Variants in TNKS observed in about 807,000 individuals in gnomAD.
TNKS encodes tankyrase.
In TNKS, 72 loss-of-function variants were observed where a neutral mutation model predicts 135.8. The ratio of observed to expected loss-of-function variants is 0.53; its 90% CI spans 0.44 to 0.64. The LOEUF is 0.64. Ranked by LOEUF, TNKS falls within the 30% of genes least tolerant of loss-of-function variation. TNKS has a pLI of 0.00. For synonymous variants in TNKS, 849 were observed against 649.3 expected (o/e 1.31, Z -4.68); for missense variants, 1,769 against 1,674.0 (o/e 1.06, Z -0.99).
intron 2 of TNKS, among the ~76,000 whole-genome samples, chr8:9,599,786 C>CT (rs1322447310): frequency 3.4e-5 from 5 of 146,186 alleles, no homozygotes; most frequent in South Asian, 2.2e-4. Context: ...TGTGATGTGC[C>CT]TTTTTAAAAA....
chr8:9,685,318 C>T (rs1802943476), intron 5 of TNKS, among the ~76,000 whole-genome samples: 1 of 152,098 alleles, frequency 6.6e-6, no homozygotes, highest in Non-Finnish European at 1.5e-5. Context: ...GTGTCTATGG[C>T]TCTAGAGTTT....
At chr8:9,557,388 C>T (rs1040856880) in intron 1 of TNKS, 2 of 145,536 alleles carry the variant, frequency 1.4e-5, no homozygotes, top group Admixed American at 6.8e-5. Flanking sequence ...GCTCTGGACC[C>T]CACACTTGTC....
chr8:9,558,868 A>G (rs1305685522), intron 1 of TNKS: 1 of 152,198 alleles, frequency 6.6e-6, no homozygotes, highest in African/African-American at 2.4e-5. Flanking sequence ...CCGTGATTGA[A>G]TTCGTAACAT....
At chr8:9,699,731 G>GT (rs1436838216) in intron 5 of TNKS, among the ~76,000 whole-genome samples, 6 of 152,080 alleles carry the variant, frequency 3.9e-5, no homozygotes, top group Non-Finnish European at 7.4e-5. Flanking sequence ...TCTTGGATTA[G>GT]TCCTGTACCC....
rs542164140 is a variant in TNKS, at chr8:9,780,567, C to G, written c.*3831C>G. The G allele has an allele frequency of 5.9e-5, 9 of 152,336 alleles. No individual in the cohort carries two copies. The highest frequency in any genetic ancestry group is 1.3e-4 in the Non-Finnish European group (9 of 68,034). 9.4% of individuals were successfully genotyped at this position (152,336 alleles called of 1,614,324 possible). A position where few individuals can be genotyped will look rare whatever the true frequency, so the allele number is the denominator to read the frequency against. On this transcript the variant is annotated 3_prime_UTR_variant, in exon 27 of 27. Coordinates refer to ENST00000310430, the MANE Select transcript of TNKS (RefSeq NM_003747.3). Reference sequence around the variant, plus strand: ...TATGGAAAGCAAATGCACTCGAAAACTACTATTCTAGAACATGAGGCTTCT... The same window carrying G: ...TATGGAAAGCAAATGCACTCGAAAAGTACTATTCTAGAACATGAGGCTTCT...
chr8:9,725,561 A>G (rs1057349141), intron 12 of TNKS, among the ~76,000 whole-genome samples: 10 of 152,190 alleles, frequency 6.6e-5, no homozygotes, highest in Non-Finnish European at 1.2e-4. Context: ...GGGCTCAAAA[A>G]AGATGTCTCT....
chr8:9,571,648 G>A (rs1461367168), intron 1 of TNKS, among the ~76,000 whole-genome samples: 1 of 152,124 alleles, frequency 6.6e-6, no homozygotes, highest in Non-Finnish European at 1.5e-5. Context: ...TAGTAGAGAC[G>A]GGGTTTCACC....
intron 14 of TNKS, among the ~76,000 whole-genome samples, chr8:9,731,984 T>C (rs1805467908): frequency 6.6e-6 from 1 of 152,140 alleles, no homozygotes; most frequent in African/African-American, 2.4e-5. Flanking sequence ...AGACGGGGTT[T>C]CACTGTGTTA....
At chr8:9,704,077 C>T (rs1316198372) in intron 5 of TNKS, among the ~76,000 whole-genome samples, 2 of 152,214 alleles carry the variant, frequency 1.3e-5, no homozygotes, top group Non-Finnish European at 2.9e-5. Flanking sequence ...TGGTATACAT[C>T]ATTGCACCCA....
chr8:9,764,648 T>G, intron 22 of TNKS, 68 bp from the exon 23 acceptor site: 1 of 1,222,554 alleles, frequency 8.2e-7, no homozygotes, highest in East Asian at 2.6e-5. Context: ...ATACTGAATT[T>G]TAGACTCATC....
chr8:9,700,219 C>A (rs1803730378), intron 5 of TNKS, among the ~76,000 whole-genome samples: 1 of 152,174 alleles, frequency 6.6e-6, no homozygotes, highest in African/African-American at 2.4e-5. Flanking sequence ...GACTTGACTC[C>A]TTAAAATGTA....
At chr8:9,744,521 T>C (rs1432058335) in intron 17 of TNKS, among the ~76,000 whole-genome samples, 2 of 152,228 alleles carry the variant, frequency 1.3e-5, no homozygotes, top group Non-Finnish European at 2.9e-5. Flanking sequence ...CCAGTCTTTT[T>C]AGGTTGTATT....
chr8:9,573,566 C>T (rs1278468545), intron 1 of TNKS, among the ~76,000 whole-genome samples: 4 of 152,146 alleles, frequency 2.6e-5, no homozygotes. Flanking sequence ...TTAAATTTAA[C>T]ACATAGATGT....
chr8:9,758,925 A>G (rs1276890571), intron 20 of TNKS, among the ~76,000 whole-genome samples: 1 of 152,192 alleles, frequency 6.6e-6, no homozygotes, highest in Non-Finnish European at 1.5e-5. Context: ...CAGGGTCAGT[A>G]TCTCATCTAA....
chr8:9,599,028 G>C (rs1220956360), intron 2 of TNKS, among the ~76,000 whole-genome samples: 1 of 151,592 alleles, frequency 6.6e-6, no homozygotes, highest in Admixed American at 6.6e-5. Flanking sequence ...CCTTAGAGTT[G>C]TGCAAGCTTT....
In TNKS at chr8:9,582,722, G is replaced by C. The variant is rs570729703; in HGVS notation, c.898+2339G>C. Among the ~76,000 whole-genome samples, 11 of 152,252 alleles carry C rather than the reference G, an allele frequency of 7.2e-5. 1 individual carries two copies. The highest frequency in any genetic ancestry group is 2.6e-4 in the African/African-American group (11 of 41,546). Reference sequence around the variant, plus strand: ...TAGTACATATAAAATATTTAGAAGAGTACCAGGTACAGTGTACATTCAGTG... The same window carrying C: ...TAGTACATATAAAATATTTAGAAGACTACCAGGTACAGTGTACATTCAGTG... On this transcript the variant is annotated intron_variant, in intron 2 of 26. Transcript: ENST00000310430.
intron 17 of TNKS, among the ~76,000 whole-genome samples, chr8:9,740,046 A>G (rs577329558): frequency 1.3e-5 from 1 of 75,446 alleles, no homozygotes; most frequent in Non-Finnish European, 2.6e-5. Flanking sequence ...CCTAAAACTT[A>G]GAGTATAATA....
At chr8:9,765,671 C>A (rs1404600197) in intron 23 of TNKS, 21 bp from the exon 24 acceptor site, 4 of 1,593,238 alleles carry the variant, frequency 2.5e-6, no homozygotes, top group Non-Finnish European at 3.4e-6. Flanking sequence ...GATAATGTTT[C>A]TTTCTTCTTC....
intron 25 of TNKS, among the ~76,000 whole-genome samples, chr8:9,766,896 C>A (rs1423731489): frequency 6.6e-6 from 1 of 152,130 alleles, no homozygotes; most frequent in Non-Finnish European, 1.5e-5. Context: ...CCTCTTCTGA[C>A]AGGAGCAATA....
Sources: allele counts gnomAD v4.1 joint callset (sites outside exome capture counted in the v4.1 genomes callset), GRCh38; gene constraint gnomAD v4.1.1; transcripts MANE v1.5; gene names NCBI Gene and HGNC (gene_info 2026-07-23, HGNC 2026-07-21).